PTPRT: variants seen among roughly 807,000 people sequenced by gnomAD.
PTPRT encodes the protein protein tyrosine phosphatase receptor type T, also known as receptor-type tyrosine-protein phosphatase T.
In PTPRT, 56 loss-of-function variants were observed where a neutral mutation model predicts 176.8. The observed-to-expected ratio is 0.32, with a 90% CI of 0.26 to 0.40. The LOEUF (loss-of-function observed/expected upper bound fraction) is 0.40, where lower values mean the gene tolerates loss of function less well. Ranked by LOEUF, PTPRT falls within the 10% of genes least tolerant of loss-of-function variation. The pLI, the probability that PTPRT is intolerant of heterozygous loss-of-function variation, is 1.00. For missense variants in PTPRT, 1,540 were observed against 1,908.2 expected (o/e 0.81, Z 3.60); for synonymous variants, 783 against 739.0 (o/e 1.06, Z -0.96).
At chr20:42,625,506 C>T (rs2074273508) in intron 7 of PTPRT, among the ~76,000 whole-genome samples, 1 of 151,610 alleles carries the variant, frequency 6.6e-6, no homozygotes, top group South Asian at 2.1e-4. Flanking sequence ...ATCTGAGTGG[C>T]TGTTTGTCAG....
chr20:42,647,935 C>T (rs187460580), intron 7 of PTPRT, among the ~76,000 whole-genome samples: 1 of 152,272 alleles, frequency 6.6e-6, no homozygotes, highest in East Asian at 1.9e-4. Flanking sequence ...GGAGTTTCTT[C>T]TCTGAGGTAA....
chr20:43,093,103 A>C (rs1195835038), intron 1 of PTPRT, among the ~76,000 whole-genome samples: 1 of 152,244 alleles, frequency 6.6e-6, no homozygotes, highest in Non-Finnish European at 1.5e-5. Context: ...CACTTTTTAA[A>C]TCTTACATAA....
chr20:42,932,584 T>C (rs1255132436), intron 1 of PTPRT, among the ~76,000 whole-genome samples: 2 of 152,196 alleles, frequency 1.3e-5, no homozygotes, highest in African/African-American at 4.8e-5. Context: ...CTGGTCAGCG[T>C]CACCCTGCTG....
intron 12 of PTPRT, among the ~76,000 whole-genome samples, chr20:42,297,617 C>T (rs1384384229): frequency 6.6e-6 from 1 of 152,124 alleles, no homozygotes; most frequent in Non-Finnish European, 1.5e-5. Context: ...CCCTCGCAGA[C>T]ATTAAAGTTT....
chr20:42,181,240 T>C (rs2146589418), intron 16 of PTPRT, among the ~76,000 whole-genome samples: 1 of 151,882 alleles, frequency 6.6e-6, no homozygotes, highest in East Asian at 1.9e-4. Flanking sequence ...ACTGGGGAAG[T>C]GTAAAAGGCT....
chr20:42,829,682 G>GA (rs2145686475), intron 2 of PTPRT, among the ~76,000 whole-genome samples: 1 of 152,234 alleles, frequency 6.6e-6, no homozygotes, highest in East Asian at 1.9e-4. Context: ...TTGGTTTTTT[G>GA]AAAAAGTTAA....
chr20:42,210,912 T>TA (rs1430954180), intron 15 of PTPRT, among the ~76,000 whole-genome samples: 1 of 150,956 alleles, frequency 6.6e-6, no homozygotes, highest in African/African-American at 2.4e-5. Context: ...AAGGCTACAG[T>TA]AACCAAAACA....
intron 6 of PTPRT, among the ~76,000 whole-genome samples, chr20:42,713,042 C>T (rs758498294): frequency 1.1e-3 from 171 of 152,128 alleles, no homozygotes; most frequent in Non-Finnish European, 1.9e-3. Flanking sequence ...TTGAAATACG[C>T]TACAATTTAT....
At chr20:42,449,163 G>A (rs565125117) in intron 8 of PTPRT, among the ~76,000 whole-genome samples, 58 of 152,240 alleles carry the variant, frequency 3.8e-4, no homozygotes, top group African/African-American at 1.3e-3. Flanking sequence ...GAAGAAGCTC[G>A]CCTTGCTCCA....
chr20:43,033,367 G>A (rs1197794414), intron 1 of PTPRT, among the ~76,000 whole-genome samples: 2 of 152,110 alleles, frequency 1.3e-5, no homozygotes, highest in East Asian at 3.9e-4. Context: ...GTTGAGAGAT[G>A]GACAGCCCCA....
At chr20:43,107,260 T>C (rs978964103) in intron 1 of PTPRT, among the ~76,000 whole-genome samples, 2 of 151,930 alleles carry the variant, frequency 1.3e-5, no homozygotes, top group African/African-American at 4.8e-5. Context: ...GCAGCTGGGG[T>C]GTGTGGCAGA....
intron 7 of PTPRT, among the ~76,000 whole-genome samples, chr20:42,497,935 A>G (rs2071684112): frequency 6.6e-6 from 1 of 152,102 alleles, no homozygotes; most frequent in African/African-American, 2.4e-5. Flanking sequence ...TTGAAATGGC[A>G]GAAAACTGCA....
chr20:42,313,790 G>T (rs1301893193), intron 12 of PTPRT, among the ~76,000 whole-genome samples: 2 of 152,146 alleles, frequency 1.3e-5, no homozygotes, highest in African/African-American at 4.8e-5. Context: ...CATGCAGCGG[G>T]AAGACCAGAT....
intron 1 of PTPRT, among the ~76,000 whole-genome samples, chr20:43,133,575 G>A (rs1011026585): frequency 1.1e-4 from 17 of 151,876 alleles, no homozygotes; most frequent in East Asian, 5.8e-4. Context: ...GTGAAACCTC[G>A]TCTCTACTAA....
At chr20:42,082,129 C>G in intron 29 of PTPRT, 112 bp from the exon 30 acceptor site, 1 of 1,464,734 alleles carries the variant, frequency 6.8e-7, no homozygotes, top group Non-Finnish European at 9.4e-7. Flanking sequence ...AGATGCAAGG[C>G]AAGGCAATGG....
chr20:42,157,825 A>G (rs1306955627), intron 17 of PTPRT, among the ~76,000 whole-genome samples: 1 of 152,224 alleles, frequency 6.6e-6, no homozygotes, highest in Non-Finnish European at 1.5e-5. Context: ...TCACCTTGTT[A>G]TCTGGGGAGC....
At chr20:42,721,318 TG>T (rs1183590060) in intron 6 of PTPRT, among the ~76,000 whole-genome samples, 20 of 152,030 alleles carry the variant, frequency 1.3e-4, no homozygotes, top group African/African-American at 4.8e-4. Flanking sequence ...GGGAAGTGCA[TG>T]ATGGTGAACT....
At chr20:42,337,950 C>T (rs2058063217) in intron 11 of PTPRT, among the ~76,000 whole-genome samples, 1 of 152,150 alleles carries the variant, frequency 6.6e-6, no homozygotes, top group Non-Finnish European at 1.5e-5. Flanking sequence ...TCCTAAGCTC[C>T]CTTCTAAGGC....
chr20:42,393,244 A>G (rs2058817915), intron 9 of PTPRT, among the ~76,000 whole-genome samples: 1 of 152,230 alleles, frequency 6.6e-6, no homozygotes, highest in Non-Finnish European at 1.5e-5. Flanking sequence ...CCAAGGTGCC[A>G]TATTTGGGGG....
Sources: gnomAD v4.1 joint callset for allele counts (sites outside exome capture counted in the v4.1 genomes callset) on GRCh38, gnomAD v4.1.1 for gene constraint, MANE v1.5 for transcripts, NCBI Gene and HGNC (gene_info 2026-07-23, HGNC 2026-07-21) for gene names.